GABRB3: variants seen among roughly 807,000 people sequenced by gnomAD.
The protein encoded by GABRB3 is gamma-aminobutyric acid receptor subunit beta-3.
GABRB3 carries 14 observed loss-of-function variants against 52.1 expected under a neutral mutation model. The observed-to-expected ratio is 0.27, with a 90% CI of 0.18 to 0.42. The LOEUF is 0.42. GABRB3 is among the 10% of genes least tolerant of loss of function. The pLI is 1.00. For missense variants in GABRB3, 307 were observed against 609.1 expected, an observed-to-expected ratio of 0.50 and a Z score of 5.22; for synonymous variants, 260 against 232.3, an observed-to-expected ratio of 1.12 and a Z score of -1.08.
In GABRB3 at chr15:26,653,916, T is replaced by C. The variant is rs147806351; in HGVS notation, c.241-32382A>G. ...CTTTTTTCAAGGCTCATGGAAAATT[T>C]GGGAAGCAGCTTGAAAAAGTACTCA... On this transcript the variant is annotated intron_variant, in intron 3 of 8. Coordinates refer to ENST00000311550, the MANE Select transcript of GABRB3 (RefSeq NM_000814.6). Among the ~76,000 whole-genome samples the C allele has an allele frequency of 7.4e-4, 113 of 152,320 alleles. 1 individual carries two copies. The highest frequency in any genetic ancestry group is 2.3e-3 in the African/African-American group (94 of 41,574).
chr15:26,751,475 C>T (rs923005861), intron 3 of GABRB3, among the ~76,000 whole-genome samples: 1 of 152,082 alleles, frequency 6.6e-6, no homozygotes, highest in African/African-American at 2.4e-5. Context: ...AAAAAGGGCT[C>T]TCTAGACACA....
chr15:26,664,582 T>TGTG (rs1311005755), intron 3 of GABRB3, among the ~76,000 whole-genome samples: 17 of 152,158 alleles, frequency 1.1e-4, no homozygotes, highest in African/African-American at 4.1e-4. Context: ...GGGTACCTCA[T>TGTG]AGTTGCATAT....
intron 6 of GABRB3, among the ~76,000 whole-genome samples, chr15:26,572,047 GAAAAAAAA>G (rs67382387): frequency 1.9e-5 from 1 of 53,108 alleles, no homozygotes; most frequent in Non-Finnish European, 4.0e-5. Context: ...TCCGTCTCAA[GAAAAAAAA>G]AAAAAAAAAA....
chr15:26,773,729 C>G (rs1250293774), upstream of GABRB3: 1 of 1,561,576 alleles, frequency 6.4e-7, no homozygotes, highest in Non-Finnish European at 8.7e-7. Context: ...GCACATGGCG[C>G]TGTTCCTCCG....
chr15:26,546,575 T>A lies in GABRB3; in HGVS notation c.*1218A>T, dbSNP rs1159545271. ...GTCTAGGAGTAGTTGGATGTGCTTA[T>A]GAAATATGTCAGATACAGAAATAAA... On this transcript the variant is annotated 3_prime_UTR_variant, in exon 9 of 9. Transcript: ENST00000311550. 1 of 152,504 alleles carries A rather than the reference T, an allele frequency of 6.6e-6. No homozygotes were observed. The highest frequency in any genetic ancestry group is 1.5e-5 in the Non-Finnish European group (1 of 68,032). The allele number at this position is 152,504 out of a possible 1,614,324, so 9.4% of individuals were successfully genotyped here. A position where few individuals can be genotyped will look rare whatever the true frequency, so the allele number is the denominator to read the frequency against.
At chr15:26,750,032 GA>G (rs1158829268) in intron 3 of GABRB3, 1 of 152,136 alleles carries the variant, frequency 6.6e-6, no homozygotes, top group African/African-American at 2.4e-5. Flanking sequence ...GCCAGAATTG[GA>G]AATCTGTTTA....
intron 3 of GABRB3, among the ~76,000 whole-genome samples, chr15:26,754,233 G>T (rs1890594656): frequency 6.6e-6 from 1 of 152,190 alleles, no homozygotes; most frequent in African/African-American, 2.4e-5. Context: ...GTAAGAATGG[G>T]AGAGAGGGAG....
chr15:26,656,003 T>A (rs1420136275), intron 3 of GABRB3, among the ~76,000 whole-genome samples: 1 of 152,230 alleles, frequency 6.6e-6, no homozygotes, highest in Admixed American at 6.5e-5. Flanking sequence ...ACTAACGTAT[T>A]TTGGCAAGTT....
intron 3 of GABRB3, among the ~76,000 whole-genome samples, chr15:26,663,945 T>C (rs996413251): frequency 1.3e-5 from 2 of 152,234 alleles, no homozygotes; most frequent in African/African-American, 2.4e-5. Flanking sequence ...CAGAGCCTAC[T>C]GGTATCAGCA....
chr15:26,772,775 G>A lies in GABRB3; in HGVS notation c.81-3C>T, dbSNP rs746996582. The A allele has an allele frequency of 1.1e-5, 17 of 1,547,306 alleles. No individual in the cohort carries two copies. The East Asian group carries it at 4.2e-4, about 38-fold the overall frequency. Reference sequence around the variant, plus strand: ...ACATGTTCCCGGGATCGTTCACACTGGGGGAGGGACGGGGAGCACAAAGAG... The same window carrying A: ...ACATGTTCCCGGGATCGTTCACACTAGGGGAGGGACGGGGAGCACAAAGAG... On this transcript the variant is annotated splice_polypyrimidine_tract_variant and splice_region_variant and intron_variant, in intron 1 of 8. Transcript: ENST00000311550.
chr15:26,631,510 C>T (rs896073278), intron 3 of GABRB3, among the ~76,000 whole-genome samples: 1 of 152,100 alleles, frequency 6.6e-6, no homozygotes, highest in Admixed American at 6.5e-5. Context: ...CTGTGAAAAC[C>T]ACAGGACACC....
chr15:26,621,763 T>C lies in GABRB3; in HGVS notation c.241-229A>G, dbSNP rs1260533727. Among the ~76,000 whole-genome samples the C allele has an allele frequency of 6.6e-6, 1 of 152,188 alleles. No individual in the cohort carries two copies. Among genetic ancestry groups the C allele is most frequent in the Admixed American group, 6.5e-5 (1 of 15,286 alleles). On this transcript the variant is annotated intron_variant, in intron 3 of 8. Transcript: ENST00000311550. The surrounding 1 kb of genome is among the most constrained non-coding windows in gnomAD (Gnocchi z 4.1). ...GTGTCACGTATAGATGTCCTCTGTT[T>C]TACTTAGGTTAAGAAGCAGACTAGA...
At chr15:26,585,953 G>T (rs1890967131) in intron 4 of GABRB3, among the ~76,000 whole-genome samples, 1 of 152,122 alleles carries the variant, frequency 6.6e-6, no homozygotes, top group Admixed American at 6.5e-5. Context: ...AAGAAGAAAA[G>T]AACCTTCACT....
intron 3 of GABRB3, among the ~76,000 whole-genome samples, chr15:26,736,920 G>A (rs1268523519): frequency 6.6e-6 from 1 of 152,204 alleles, no homozygotes; most frequent in Non-Finnish European, 1.5e-5. Flanking sequence ...CACTTCCCAG[G>A]TTAGGTCTGC....
intron 4 of GABRB3, chr15:26,615,755 G>C: frequency 8.9e-7 from 1 of 1,127,526 alleles, no homozygotes; most frequent in Non-Finnish European, 1.1e-6. Context: ...AAGCGTAGAG[G>C]AGCTAAGTGG....
chr15:26,736,198 C>T (rs931572323), intron 3 of GABRB3, among the ~76,000 whole-genome samples: 11 of 152,164 alleles, frequency 7.2e-5, no homozygotes, highest in African/African-American at 2.7e-4. Flanking sequence ...ATGCAACTAA[C>T]CTGTGCACTT....
At chr15:26,592,963 C>T (rs899493285) in intron 4 of GABRB3, among the ~76,000 whole-genome samples, 2 of 151,636 alleles carry the variant, frequency 1.3e-5, no homozygotes, top group African/African-American at 2.4e-5. Context: ...TACAGTGAGC[C>T]GAGATCACAC....
At position 26,580,415 on chromosome 15, in the gene GABRB3, C is replaced by T. The variant is rs1566756854; in HGVS notation, c.586G>A (p.Gly196Arg). 4.3e-6 allele frequency: 7 copies of T among 1,614,158 alleles called. No individual in the cohort carries two copies. The highest frequency in any genetic ancestry group is 1.3e-5 in the African/African-American group (1 of 75,036). ...TDDIEFYWRG[G>R]DKAVTGVERI... ...TCCACTCCGGTAACAGCCTTGTCCC[C>T]GCCTCGCCAGTAAAACTCAATGTCA... The change falls in exon 6 of 9, where the codon GGG becomes AGG. Residue 196 changes from glycine to arginine, a missense_variant. Gly to Arg is a moderately radical substitution (Grantham distance 125). Around this residue, in one of 6 missense-constraint regions of GABRB3, gnomAD observed 16 missense variants for 102.6 expected, o/e 0.16. Coordinates refer to ENST00000311550, the MANE Select transcript of GABRB3 (RefSeq NM_000814.6).
At chr15:26,655,276 G>A (rs962057335) in intron 3 of GABRB3, among the ~76,000 whole-genome samples, 1 of 152,088 alleles carries the variant, frequency 6.6e-6, no homozygotes, top group Non-Finnish European at 1.5e-5. Flanking sequence ...ACTTTATTAT[G>A]TGAAAATCTG....
Sources: allele counts gnomAD v4.1 joint callset (sites outside exome capture counted in the v4.1 genomes callset), GRCh38; gene constraint gnomAD v4.1.1; regional missense constraint gnomAD v4.1.1; non-coding constraint Gnocchi (gnomAD v3.1); transcripts MANE v1.5; gene names NCBI Gene and HGNC (gene_info 2026-07-23, HGNC 2026-07-21).